Variants in KIAA0232 observed in about 807,000 individuals in gnomAD.
The protein encoded by KIAA0232 is KIAA0232, also known as uncharacterized protein KIAA0232.
Under a neutral mutation model 122.0 loss-of-function variants are expected in KIAA0232, and 27 were observed. That is an observed-to-expected ratio of 0.22 (90% confidence interval 0.16 to 0.31). The LOEUF is 0.31. Ranked by LOEUF, KIAA0232 falls within the 10% of genes least tolerant of loss-of-function variation. KIAA0232 has a pLI of 1.00. For missense variants in KIAA0232, 1,551 were observed against 1,634.2 expected, an observed-to-expected ratio of 0.95 and a Z score of 0.88; for synonymous variants, 613 against 587.6, an observed-to-expected ratio of 1.04 and a Z score of -0.63.
In KIAA0232 at chr4:6,882,645, T is replaced by TGCGCGC. The variant is rs1287058290; in HGVS notation, c.*1680_*1681insCGCGCG. On this transcript the variant is annotated 3_prime_UTR_variant, in exon 10 of 10. Transcript: ENST00000307659. ...GGGTGGGTGTGTGTGTGTGTGTGTG[T>TGCGCGC]GTGCGCGCGTGCGCGCGCGCATGTG... The TGCGCGC allele has an allele frequency of 6.6e-6, 1 of 152,104 alleles. No homozygotes were observed. The highest frequency in any genetic ancestry group is 2.4e-5 in the African/African-American group (1 of 41,292). 9.4% of individuals were successfully genotyped at this position (152,104 alleles called of 1,614,324 possible).
At chr4:6,846,690 C>T (rs1372575251) in intron 4 of KIAA0232, among the ~76,000 whole-genome samples, 2 of 151,884 alleles carry the variant, frequency 1.3e-5, no homozygotes, top group East Asian at 3.9e-4. Flanking sequence ...TTGCCTGCTG[C>T]AATAGAAAGA....
At chr4:6,864,663 C>G (rs1048411424) in intron 7 of KIAA0232, among the ~76,000 whole-genome samples, 8 of 140,918 alleles carry the variant, frequency 5.7e-5, no homozygotes, top group African/African-American at 1.9e-4. Context: ...CACTTGAACC[C>G]GAGAGGCAAA....
rs1183823122 is a variant in KIAA0232, at chr4:6,855,212, G to A, written c.370-1952G>A. Among the ~76,000 whole-genome samples the A allele has an allele frequency of 3.3e-5, 5 of 151,940 alleles. No individual in the cohort carries two copies. Among genetic ancestry groups the A allele is most frequent in the African/African-American group, 4.8e-5 (2 of 41,344 alleles). ...CAGTTCTCCTGCCTCAGCCTCCCAAGTAGCTAAGATTACAGGTGCCTGCCA... is the reference window on the plus strand; with the variant it reads ...CAGTTCTCCTGCCTCAGCCTCCCAAATAGCTAAGATTACAGGTGCCTGCCA... On this transcript the variant is annotated intron_variant, in intron 4 of 9. Transcript: ENST00000307659. The surrounding 1 kb of genome is among the most constrained non-coding windows in gnomAD (Gnocchi z 4.3).
intron 1 of KIAA0232, among the ~76,000 whole-genome samples, chr4:6,792,196 G>A (rs911733262): frequency 2.0e-5 from 3 of 152,270 alleles, no homozygotes; most frequent in African/African-American, 7.2e-5. Flanking sequence ...TTTAGGTACA[G>A]ATTTGCTTTA....
Position 6,803,204 on chromosome 4 carries a change from C to CATATAT in KIAA0232, c.-353-1300_-353-1295dup, listed in dbSNP as rs34234535. 7.7e-3 allele frequency among the ~76,000 whole-genome samples: 1,091 copies of CATATAT among 141,584 alleles called. 6 individuals are homozygous for CATATAT. Among genetic ancestry groups the CATATAT allele is most frequent in the African/African-American group, 0.024 (933 of 38,470 alleles). 92.9% of individuals were successfully genotyped at this position (141,584 alleles called of 152,430 possible). On this transcript the variant is annotated intron_variant, in intron 1 of 9. Coordinates refer to ENST00000307659, the MANE Select transcript of KIAA0232 (RefSeq NM_014743.3). ...CTCTTGAAAGAAATTAAAATGAGTGCATATATATATATATATATATATATG... is the reference window on the plus strand; with the variant it reads ...CTCTTGAAAGAAATTAAAATGAGTGCATATATATATATATATATATATATATATATG...
chr4:6,862,863 C>T lies in KIAA0232; in HGVS notation c.2481C>T (p.Asp827=), dbSNP rs767851235. Residue 827 remains aspartate (D), a synonymous_variant, in exon 7 of 10, where the codon GAC becomes GAT. Transcript: ENST00000307659. ...GCTACAGCTCAGGGGTTATTAAAGA[C>T]ATTTGGACAAAGATGGCAGACACAA... ...GDGYSSGVIK[D]IWTKMADTNS... is the part of the protein sequence containing the mutation. 19 of 1,614,162 alleles carry T rather than the reference C, an allele frequency of 1.2e-5. No homozygotes were observed. The highest frequency in any genetic ancestry group is 1.1e-5 in the South Asian group (1 of 91,078).
chr4:6,882,131 C>T lies in KIAA0232; in HGVS notation c.*1165C>T, dbSNP rs371354414. ...TCTTGTGAGTCGCGTCTGTGCATGG[C>T]GATCCGCTCCTCCGGCTCTCATGGC... On this transcript the variant is annotated 3_prime_UTR_variant, in exon 10 of 10. Transcript: ENST00000307659. 2 of 152,490 alleles carry T rather than the reference C, an allele frequency of 1.3e-5. No homozygotes were observed. Among genetic ancestry groups the T allele is most frequent in the South Asian group, 4.1e-4 (2 of 4,834 alleles). The allele number at this position is 152,490 out of a possible 1,614,324, so 9.4% of individuals were successfully genotyped here.
At chr4:6,799,622 T>G (rs930203397) in intron 1 of KIAA0232, among the ~76,000 whole-genome samples, 8 of 152,154 alleles carry the variant, frequency 5.3e-5, no homozygotes, top group Non-Finnish European at 1.0e-4. Context: ...AGAAAGACTC[T>G]TATAATAGAG....
Position 6,824,412 on chromosome 4 carries a change from A to G in KIAA0232, c.-42A>G, listed in dbSNP as rs781442534. 5 of 1,474,436 alleles carry G rather than the reference A, an allele frequency of 3.4e-6. No homozygotes were observed. Among genetic ancestry groups the G allele is most frequent in the Non-Finnish European group, 4.8e-6 (5 of 1,052,598 alleles). The allele number at this position is 1,474,436 out of a possible 1,614,324, so 91.3% of individuals were successfully genotyped here. A position where few individuals can be genotyped will look rare whatever the true frequency, so the allele number is the denominator to read the frequency against. On this transcript the variant is annotated 5_prime_UTR_variant, in exon 3 of 10. Transcript: ENST00000307659. ...CAGATACCAACAGAATATCAACTGC[A>G]GAAAATGCTTCACATTTTAAGGATG...
chr4:6,860,107 T>C (rs893287367), intron 6 of KIAA0232, among the ~76,000 whole-genome samples: 1 of 152,238 alleles, frequency 6.6e-6, no homozygotes, highest in Non-Finnish European at 1.5e-5. Context: ...CGACATCCTC[T>C]TTCTGAATAC....
chr4:6,789,561 C>T (rs550010980), intron 1 of KIAA0232, among the ~76,000 whole-genome samples: 91 of 152,248 alleles, frequency 6.0e-4, no homozygotes, highest in African/African-American at 2.1e-3. Flanking sequence ...TGTGAGCCAC[C>T]GTGCCTGGCC....
In KIAA0232 at chr4:6,824,323, CA is replaced by C; in HGVS notation, c.-126del. The C allele has an allele frequency of 2.6e-6, 2 of 780,882 alleles. No homozygotes were observed. Among genetic ancestry groups the C allele is most frequent in the Non-Finnish European group, 4.4e-6 (2 of 456,394 alleles). 48.4% of individuals were successfully genotyped at this position (780,882 alleles called of 1,614,324 possible). A position where few individuals can be genotyped will look rare whatever the true frequency, so the allele number is the denominator to read the frequency against. On this transcript the variant is annotated 5_prime_UTR_variant, in exon 3 of 10. Coordinates refer to ENST00000307659, the MANE Select transcript of KIAA0232 (RefSeq NM_014743.3). ...TCTGTTTTAGGTGGCTGACTACCAG[CA>C]AAAATAAATGCTTATCCTACATGTC... is the stretch of plus-strand genomic sequence containing the variant.
intron 6 of KIAA0232, 89 bp from the exon 7 acceptor site, chr4:6,860,812 A>G: frequency 9.0e-6 from 10 of 1,114,466 alleles, no homozygotes; most frequent in Non-Finnish European, 1.0e-5. Flanking sequence ...CTAAAATGAA[A>G]TATTCCATTC....
intron 4 of KIAA0232, among the ~76,000 whole-genome samples, chr4:6,856,556 C>T: frequency 6.6e-6 from 1 of 152,046 alleles, no homozygotes; most frequent in East Asian, 1.9e-4. Flanking sequence ...AACTCCCAAG[C>T]TTTGTATAGA....
At chr4:6,787,177 CAAAAAAAAAA>C (rs34617834) in intron 1 of KIAA0232, among the ~76,000 whole-genome samples, 3 of 81,442 alleles carry the variant, frequency 3.7e-5, no homozygotes, top group African/African-American at 5.0e-5. Flanking sequence ...AAGGCTCTCT[CAAAAAAAAAA>C]AAAAAAAAAA....
At chr4:6,815,292 G>A (rs551640467) in intron 2 of KIAA0232, among the ~76,000 whole-genome samples, 37 of 152,284 alleles carry the variant, frequency 2.4e-4, no homozygotes, top group Middle Eastern at 3.4e-3. Flanking sequence ...TTAGAGGTAA[G>A]TTTCACCACG....
chr4:6,791,682 A>G (rs1040353854), intron 1 of KIAA0232, among the ~76,000 whole-genome samples: 1 of 152,048 alleles, frequency 6.6e-6, no homozygotes, highest in African/African-American at 2.4e-5. Flanking sequence ...CTCCCTTCCT[A>G]TCCTGTATTC....
intron 1 of KIAA0232, among the ~76,000 whole-genome samples, chr4:6,788,084 G>A (rs1401368463): frequency 6.6e-6 from 1 of 152,118 alleles, no homozygotes; most frequent in Non-Finnish European, 1.5e-5. Context: ...TGTCACTCAT[G>A]CTGGAGTGCA....
At chr4:6,821,904 A>T (rs1225072945) in intron 2 of KIAA0232, among the ~76,000 whole-genome samples, 2 of 151,880 alleles carry the variant, frequency 1.3e-5, no homozygotes, top group Non-Finnish European at 2.9e-5. Context: ...TTAGTACTTT[A>T]AAGTTTTTGC....
Sources: allele counts gnomAD v4.1 joint callset (sites outside exome capture counted in the v4.1 genomes callset), GRCh38; gene constraint gnomAD v4.1.1; non-coding constraint Gnocchi (gnomAD v3.1); transcripts MANE v1.5; gene names NCBI Gene and HGNC (gene_info 2026-07-23, HGNC 2026-07-21).